The following ZBTB20 variants were observed in gnomAD, a reference collection of about 807,000 sequenced individuals.
The protein encoded by ZBTB20 is zinc finger and BTB domain containing 20.
ZBTB20 carries 9 observed loss-of-function variants against 56.9 expected under a neutral mutation model. The ratio of observed to expected loss-of-function variants is 0.16; its 90% CI spans 0.10 to 0.28. The LOEUF (loss-of-function observed/expected upper bound fraction) is 0.28, where lower values mean the gene tolerates loss of function less well. ZBTB20 is among the 10% of genes least tolerant of loss of function. ZBTB20 has a pLI of 1.00. For synonymous variants in ZBTB20, 417 were observed against 420.7 expected (o/e 0.99, Z 0.11); for missense variants, 655 against 1,003.0 (o/e 0.65, Z 4.69).
At chr3:114,613,747 G>A (rs2057724514) in intron 6 of ZBTB20, among the ~76,000 whole-genome samples, 2 of 151,984 alleles carry the variant, frequency 1.3e-5, no homozygotes, top group African/African-American at 2.4e-5. Flanking sequence ...TTCCTAGGTC[G>A]GGGGAGTGTG....
At chr3:114,904,166 G>A (rs1475444070) in intron 3 of ZBTB20, among the ~76,000 whole-genome samples, 3 of 151,980 alleles carry the variant, frequency 2.0e-5, no homozygotes, top group Non-Finnish European at 4.4e-5. Context: ...CTTCTAGGTT[G>A]GCATAGCTGT....
chr3:114,439,278 A>C (rs2090749138), intron 7 of ZBTB20, among the ~76,000 whole-genome samples: 1 of 152,130 alleles, frequency 6.6e-6, no homozygotes. Flanking sequence ...CTTTACCTTG[A>C]GTAGGTCTTG....
At chr3:115,099,841 G>C (rs1426661708) in intron 1 of ZBTB20, among the ~76,000 whole-genome samples, 1 of 152,066 alleles carries the variant, frequency 6.6e-6, no homozygotes, top group Non-Finnish European at 1.5e-5. Context: ...GAAAAGCAAA[G>C]AGACAAACAT....
Position 114,674,071 on chromosome 3 carries a change from G to A in ZBTB20, c.-295+19457C>T, listed in dbSNP as rs373398714. Among the ~76,000 whole-genome samples the A allele has an allele frequency of 5.3e-5, 8 of 152,180 alleles. No individual in the cohort carries two copies. In the East Asian group the frequency reaches 1.4e-3, roughly 26 times the overall value. On this transcript the variant is annotated intron_variant, in intron 6 of 11. Coordinates refer to ENST00000675478, the MANE Select transcript of ZBTB20 (RefSeq NM_001348800.3). ...TATATAAACTCACATGAGCTCAACC[G>A]TCTTCAGCTCTTACATTATTTGTTT...
intron 6 of ZBTB20, among the ~76,000 whole-genome samples, chr3:114,609,206 C>A (rs1422493010): frequency 6.6e-6 from 1 of 152,156 alleles, no homozygotes; most frequent in Non-Finnish European, 1.5e-5. Flanking sequence ...AAATGGATAA[C>A]AAGAAAACTA....
chr3:115,064,730 G>A (rs188788282), intron 2 of ZBTB20, among the ~76,000 whole-genome samples: 1 of 152,114 alleles, frequency 6.6e-6, no homozygotes, highest in Admixed American at 6.5e-5. Flanking sequence ...ATTACTTACA[G>A]GCGTGAGCCA....
chr3:114,859,800 G>T (rs751034960), intron 4 of ZBTB20, among the ~76,000 whole-genome samples: 2 of 151,960 alleles, frequency 1.3e-5, no homozygotes, highest in African/African-American at 2.4e-5. Flanking sequence ...ATAAAGCAAA[G>T]GTTCAAACTG....
intron 4 of ZBTB20, among the ~76,000 whole-genome samples, chr3:114,855,409 G>C (rs747839665): frequency 6.6e-6 from 1 of 152,198 alleles, no homozygotes; most frequent in Non-Finnish European, 1.5e-5. Flanking sequence ...TCTGCTGATA[G>C]TCTGTTGAGC....
intron 5 of ZBTB20, among the ~76,000 whole-genome samples, chr3:114,727,789 T>C (rs371340975): frequency 5.9e-4 from 90 of 152,320 alleles, no homozygotes; most frequent in African/African-American, 2.1e-3. Context: ...GTTTATTTTC[T>C]AGCAATTTAT....
chr3:115,094,606 C>T (rs1361281099), intron 1 of ZBTB20, among the ~76,000 whole-genome samples: 2 of 149,428 alleles, frequency 1.3e-5, no homozygotes, highest in African/African-American at 4.9e-5. Context: ...TTAATTTTCT[C>T]TCAATTACAT....
chr3:114,864,859 G>C (rs938075986), intron 4 of ZBTB20, among the ~76,000 whole-genome samples: 2 of 151,996 alleles, frequency 1.3e-5, no homozygotes, highest in African/African-American at 4.8e-5. Flanking sequence ...TCCAACTTTT[G>C]CCCCTTCATT....
chr3:114,445,410 C>T (rs965231647), intron 7 of ZBTB20: 3 of 152,166 alleles, frequency 2.0e-5, no homozygotes, highest in Non-Finnish European at 4.4e-5. Context: ...ACCCTTCTGA[C>T]CTTGCCCACT....
At chr3:114,386,168 T>C (rs941896069) in intron 8 of ZBTB20, among the ~76,000 whole-genome samples, 1 of 152,234 alleles carries the variant, frequency 6.6e-6, no homozygotes, top group African/African-American at 2.4e-5. Context: ...TATGGGACTC[T>C]GGCTTATCGT....
At chr3:114,956,349 T>A (rs1405847051) in intron 3 of ZBTB20, among the ~76,000 whole-genome samples, 1 of 152,128 alleles carries the variant, frequency 6.6e-6, no homozygotes, top group African/African-American at 2.4e-5. Context: ...TCCCCCACAT[T>A]CAGTTCACCC....
At chr3:114,364,449 TCAAA>T (rs1269892912) in intron 10 of ZBTB20, among the ~76,000 whole-genome samples, 4 of 152,302 alleles carry the variant, frequency 2.6e-5, no homozygotes, top group South Asian at 4.1e-4. Context: ...AGACTCTGTC[TCAAA>T]CAAACAAACA....
chr3:114,601,405 T>C (rs1247308690), intron 6 of ZBTB20, among the ~76,000 whole-genome samples: 1 of 152,098 alleles, frequency 6.6e-6, no homozygotes, highest in Admixed American at 6.6e-5. Flanking sequence ...AAGCAGACGA[T>C]AGAATCTACT....
chr3:115,053,179 G>A (rs759474746), intron 2 of ZBTB20, among the ~76,000 whole-genome samples: 3 of 152,092 alleles, frequency 2.0e-5, no homozygotes, highest in Non-Finnish European at 2.9e-5. Flanking sequence ...GAGAAATAAC[G>A]ACTTTAAAGC....
chr3:114,661,254 G>C (rs2060704577), intron 6 of ZBTB20, among the ~76,000 whole-genome samples: 1 of 151,828 alleles, frequency 6.6e-6, no homozygotes, highest in African/African-American at 2.4e-5. Flanking sequence ...TCATAGTCTG[G>C]GCACACAAAA....
At chr3:114,614,737 TTTTGTTTG>T (rs141944007) in intron 6 of ZBTB20, among the ~76,000 whole-genome samples, 17 of 150,754 alleles carry the variant, frequency 1.1e-4, no homozygotes, top group South Asian at 4.2e-4. Context: ...TGGCCACTTT[TTTTGTTTG>T]TTTGTTTGTT....
Sources: gnomAD v4.1 joint callset for allele counts (sites outside exome capture counted in the v4.1 genomes callset) on GRCh38, gnomAD v4.1.1 for gene constraint, MANE v1.5 for transcripts, NCBI Gene and HGNC (gene_info 2026-07-23, HGNC 2026-07-21) for gene names.